Variants in PAX7 observed in about 807,000 individuals in gnomAD.
PAX7 encodes the protein paired box protein Pax-7.
Under a neutral mutation model 50.7 loss-of-function variants are expected in PAX7, and 18 were observed. The observed-to-expected ratio is 0.36, with a 90% CI of 0.25 to 0.53. The LOEUF (loss-of-function observed/expected upper bound fraction) is 0.53. Among genes scored for constraint, PAX7 ranks in the 20% least tolerant of loss-of-function variants. The probability of loss-of-function intolerance (pLI) is 0.93; values close to 1 mark genes in which losing one functional copy is unlikely to be tolerated. For missense variants in PAX7, 644 were observed against 702.9 expected (o/e 0.92, Z 0.95); for synonymous variants, 310 against 290.4 (o/e 1.07, Z -0.69).
chr1:18,704,010 G>A (rs1039298534), intron 7 of PAX7, among the ~76,000 whole-genome samples: 1 of 152,186 alleles, frequency 6.6e-6, no homozygotes, highest in Admixed American at 6.5e-5. Flanking sequence ...TGTAACTAAC[G>A]TCTCAACAAG....
chr1:18,646,896 G>T (rs553890215), intron 4 of PAX7, among the ~76,000 whole-genome samples: 2 of 148,384 alleles, frequency 1.3e-5, no homozygotes, highest in Non-Finnish European at 3.0e-5. Context: ...GCGCGGCGCG[G>T]GGGGAGCGGC....
At chr1:18,686,179 AC>A (rs1466941818) in intron 4 of PAX7, among the ~76,000 whole-genome samples, 1 of 152,136 alleles carries the variant, frequency 6.6e-6, no homozygotes, top group African/African-American at 2.4e-5. Flanking sequence ...CCTCCATCTG[AC>A]TGGGAGCTTC....
At chr1:18,659,521 C>CTTCA (rs2088571193) in intron 4 of PAX7, among the ~76,000 whole-genome samples, 1 of 152,112 alleles carries the variant, frequency 6.6e-6, no homozygotes, top group Non-Finnish European at 1.5e-5. Context: ...TGCCATTTAC[C>CTTCA]TTCACCTTCT....
chr1:18,659,925 T>C (rs959024825), intron 4 of PAX7, among the ~76,000 whole-genome samples: 11 of 151,814 alleles, frequency 7.2e-5, no homozygotes, highest in African/African-American at 2.7e-4. Flanking sequence ...AAGGGAAGAG[T>C]GACTGCAAAA....
chr1:18,693,404 A>C (rs983083346), intron 5 of PAX7, among the ~76,000 whole-genome samples: 2 of 152,196 alleles, frequency 1.3e-5, no homozygotes, highest in Non-Finnish European at 2.9e-5. Flanking sequence ...CAGAGAAGCA[A>C]CATGCCCAGG....
intron 4 of PAX7, among the ~76,000 whole-genome samples, chr1:18,653,993 C>A (rs2088474461): frequency 2.6e-5 from 4 of 152,152 alleles, no homozygotes; most frequent in Non-Finnish European, 4.4e-5. Context: ...GGGCCCCCAG[C>A]CCAGCCCTGT....
At chr1:18,731,888 C>G (rs774692877) in intron 7 of PAX7, among the ~76,000 whole-genome samples, 2 of 152,206 alleles carry the variant, frequency 1.3e-5, no homozygotes, top group Non-Finnish European at 2.9e-5. Context: ...GCCTCTTGAG[C>G]CACCGGGCAC....
At position 18,748,677 on chromosome 1, in the gene PAX7, G is replaced by A; in HGVS notation, c.*3748G>A. ...AGTGAGTGGGTGTACGTGAGGGTGT[G>A]AGTGGGGTGTGTGCGTGGGCGTGTG... On this transcript the variant is annotated 3_prime_UTR_variant, in exon 9 of 9. Coordinates refer to ENST00000420770, the MANE Select transcript of PAX7 (RefSeq NM_001135254.2). 1 of 232,364 alleles carries A rather than the reference G, an allele frequency of 4.3e-6. No individual in the cohort carries two copies. The highest frequency in any genetic ancestry group is 8.5e-6 in the Non-Finnish European group (1 of 117,462). The allele number at this position is 232,364 out of a possible 1,614,324, so 14.4% of individuals were successfully genotyped here.
At chr1:18,695,039 G>A (rs927830035) in intron 5 of PAX7, among the ~76,000 whole-genome samples, 20 of 152,210 alleles carry the variant, frequency 1.3e-4, no homozygotes, top group Admixed American at 1.0e-3. Context: ...CATCTCAGTG[G>A]ACCTGGCAGA....
rs982459945 is a variant in PAX7 at position 18,734,903 on chromosome 1, C to G, written c.1156-729C>G. ...AACACCTGGACCTCCATCCAGGTCC[C>G]CTAAGCTGAGCTTCTAGAGACAAGC... On this transcript the variant is annotated intron_variant, in intron 7 of 8. Transcript: ENST00000420770. 3.9e-5 allele frequency among the ~76,000 whole-genome samples: 6 copies of G among 152,142 alleles called. No homozygotes were observed. In the South Asian group the frequency reaches 1.0e-3, roughly 26 times the overall value.
In PAX7 at chr1:18,636,686, T is replaced by C. The variant is rs2088163766; in HGVS notation, c.586+315T>C. On this transcript the variant is annotated intron_variant, in intron 4 of 8. Transcript: ENST00000420770. This position sits in a 1 kb window ranked among gnomAD's most constrained non-coding sequence, Gnocchi z 5.1. ...CTACCCCAATACTGCGGGGAGTGCGTCCTCCCGGGCTGGCGTTTTGGCTGC... is the reference window on the plus strand; with the variant it reads ...CTACCCCAATACTGCGGGGAGTGCGCCCTCCCGGGCTGGCGTTTTGGCTGC... Among the ~76,000 whole-genome samples the C allele has an allele frequency of 6.7e-6, 1 of 148,714 alleles. No homozygotes were observed.
intron 4 of PAX7, among the ~76,000 whole-genome samples, chr1:18,685,914 T>A (rs1351596022): frequency 6.6e-6 from 1 of 152,078 alleles, no homozygotes; most frequent in Admixed American, 6.6e-5. Context: ...ACCATCACCA[T>A]CACCATCACC....
chr1:18,714,977 T>C (rs995525786), intron 7 of PAX7, among the ~76,000 whole-genome samples: 1 of 152,060 alleles, frequency 6.6e-6, no homozygotes. Context: ...AGACTTAGAG[T>C]TTCTCAGGCC....
intron 5 of PAX7, among the ~76,000 whole-genome samples, chr1:18,696,928 G>A (rs769753554): frequency 6.6e-6 from 1 of 152,182 alleles, no homozygotes; most frequent in East Asian, 1.9e-4. Context: ...GTAACACAAA[G>A]GGTAAATGCT....
intron 5 of PAX7, among the ~76,000 whole-genome samples, chr1:18,696,005 T>C (rs552709161): frequency 2.0e-5 from 3 of 152,260 alleles, no homozygotes; most frequent in Admixed American, 6.5e-5. Context: ...GATTCACTAA[T>C]TAACAACTTA....
intron 7 of PAX7, among the ~76,000 whole-genome samples, chr1:18,722,256 A>G (rs952640138): frequency 1.3e-5 from 2 of 152,136 alleles, no homozygotes; most frequent in Admixed American, 1.3e-4. Flanking sequence ...TGCATGCAGT[A>G]TAGGATAAGG....
chr1:18,634,071 ACT>A lies in PAX7; in HGVS notation c.86-229_86-228del, dbSNP rs2088104338. On this transcript the variant is annotated intron_variant, in intron 1 of 8. Transcript: ENST00000420770. The surrounding 1 kb of genome is among the most constrained non-coding windows in gnomAD (Gnocchi z 4.0). ...GTTGGGGGACACAGCATCTGGGGAG[ACT>A]CTTGCAGCTGTGACTCCTCTATCCA... 6.6e-6 allele frequency among the ~76,000 whole-genome samples: 1 copy of A among 151,404 alleles called. No homozygotes were observed. Among genetic ancestry groups the A allele is most frequent in the Admixed American group, 6.6e-5 (1 of 15,220 alleles).
At chr1:18,692,008 T>C in intron 5 of PAX7, 55 bp downstream of exon 5, 1 of 1,546,400 alleles carries the variant, frequency 6.5e-7, no homozygotes, top group Non-Finnish European at 8.8e-7. Flanking sequence ...GATTCAGAAG[T>C]TTGGGATGGC....
At chr1:18,686,902 A>AT (rs761030675) in intron 4 of PAX7, among the ~76,000 whole-genome samples, 97 of 149,162 alleles carry the variant, frequency 6.5e-4, no homozygotes, top group East Asian at 1.6e-3. Context: ...TATTATTATT[A>AT]TTTTTTGAGA....
Sources: gnomAD v4.1 joint callset for allele counts (sites outside exome capture counted in the v4.1 genomes callset) on GRCh38, gnomAD v4.1.1 for gene constraint, Gnocchi (gnomAD v3.1) non-coding constraint, MANE v1.5 for transcripts, NCBI Gene and HGNC (gene_info 2026-07-23, HGNC 2026-07-21) for gene names.